Variants in KCNN2 observed in about 807,000 individuals in gnomAD.
KCNN2 encodes the protein small conductance calcium-activated potassium channel protein 2.
In KCNN2, 24 loss-of-function variants were observed where a neutral mutation model predicts 55.5. That is an observed-to-expected ratio of 0.43 (90% CI 0.31 to 0.61). The LOEUF (loss-of-function observed/expected upper bound fraction) is 0.61, where lower values mean the gene tolerates loss of function less well. Ranked by LOEUF, KCNN2 falls within the 20% of genes least tolerant of loss-of-function variation. The pLI, the probability that KCNN2 is intolerant of heterozygous loss-of-function variation, is 0.08. For synonymous variants in KCNN2, 431 were observed against 336.1 expected, an observed-to-expected ratio of 1.28 and a Z score of -3.09; for missense variants, 754 against 853.6, an observed-to-expected ratio of 0.88 and a Z score of 1.45.
intron 5 of KCNN2, among the ~76,000 whole-genome samples, chr5:114,483,723 G>GTGTT (rs71866646): frequency 6.6e-6 from 1 of 151,404 alleles, no homozygotes; most frequent in Non-Finnish European, 1.5e-5. Context: ...CTGTGTGTGT[G>GTGTT]TGTGTGTGTG....
chr5:114,466,580 G>T (rs1761464535), intron 4 of KCNN2, among the ~76,000 whole-genome samples: 1 of 151,896 alleles, frequency 6.6e-6, no homozygotes, highest in Non-Finnish European at 1.5e-5. Context: ...GTGGGTAAGG[G>T]TATCTTTCAT....
intron 4 of KCNN2, among the ~76,000 whole-genome samples, chr5:114,465,378 C>T (rs1477807411): frequency 3.3e-5 from 5 of 152,048 alleles, no homozygotes; most frequent in Admixed American, 2.0e-4. Flanking sequence ...TTTGGGAGGC[C>T]GAGGCAGGTG....
chr5:114,235,076 G>C (rs1434204579), intron 2 of KCNN2, among the ~76,000 whole-genome samples: 1 of 152,278 alleles, frequency 6.6e-6, no homozygotes, highest in South Asian at 2.1e-4. Flanking sequence ...TCCCATATGA[G>C]AGCAAAGGAA....
At position 114,380,569 on chromosome 5, in the gene KCNN2, T is replaced by C. The variant is rs557686419; in HGVS notation, c.1218+16568T>C. Among the ~76,000 whole-genome samples, 129 of 152,348 alleles carry C rather than the reference T, an allele frequency of 8.5e-4. 2 individuals carry two copies. The highest frequency in any genetic ancestry group is 2.9e-3 in the African/African-American group (121 of 41,576). ...GGAAAATGGGGTAATAAGGCCCATC[T>C]CATGAGCTACTGTGAGAATTCTACT... On this transcript the variant is annotated intron_variant, in intron 2 of 7. Coordinates refer to ENST00000673685, the MANE Select transcript of KCNN2 (RefSeq NM_021614.4).
At chr5:114,128,405 A>G (rs1488227224) in intron 1 of KCNN2, among the ~76,000 whole-genome samples, 1 of 152,172 alleles carries the variant, frequency 6.6e-6, no homozygotes, top group African/African-American at 2.4e-5. Context: ...CATGGGAACT[A>G]ACTCACTATC....
chr5:114,325,042 G>T lies in KCNN2; in HGVS notation c.-184-35903G>T, dbSNP rs1422106381. ...TTGTTATTGCAAGCTGAAGGAAAGAGGATTGTTCATATATAGTGTCAGAAA... is the reference window on the plus strand; with the variant it reads ...TTGTTATTGCAAGCTGAAGGAAAGATGATTGTTCATATATAGTGTCAGAAA... On this transcript the variant is annotated intron_variant, in intron 2 of 10. Transcript: ENST00000512097. Among the ~76,000 whole-genome samples the T allele has an allele frequency of 3.3e-5, 5 of 152,144 alleles. No individual in the cohort carries two copies. The East Asian group carries it at 9.6e-4, about 29-fold the overall frequency.
At chr5:114,133,834 G>A (rs762915046) in intron 1 of KCNN2, among the ~76,000 whole-genome samples, 4 of 152,160 alleles carry the variant, frequency 2.6e-5, no homozygotes, top group African/African-American at 4.8e-5. Flanking sequence ...TAAGGAGTCC[G>A]ATGGTATTTT....
intron 1 of KCNN2, among the ~76,000 whole-genome samples, chr5:114,149,292 C>G (rs1052425277): frequency 5.3e-4 from 81 of 152,138 alleles, no homozygotes; most frequent in African/African-American, 1.9e-3. Flanking sequence ...GACTAGTCAT[C>G]ATGAACCCAC....
In KCNN2 at chr5:114,071,842, A is replaced by G. The variant is rs535689286; in HGVS notation, c.-271+15342A>G. Among the ~76,000 whole-genome samples, 23 of 152,328 alleles carry G rather than the reference A, an allele frequency of 1.5e-4. No homozygotes were observed. The South Asian group carries it at 4.8e-3, about 32-fold the overall frequency. ...GTGCTATGGTTTGAATGTGTCCCCC[A>G]AAGTTCACATGTTGCAAACTTAATT... On this transcript the variant is annotated intron_variant, in intron 1 of 10. Transcript: ENST00000512097.
intron 3 of KCNN2, among the ~76,000 whole-genome samples, chr5:114,412,644 T>G (rs1211099494): frequency 6.6e-6 from 1 of 152,216 alleles, no homozygotes; most frequent in Non-Finnish European, 1.5e-5. Flanking sequence ...GCTAGCTCAT[T>G]TTCCTGGTCT....
chr5:114,460,409 A>C (rs982849404), intron 3 of KCNN2, among the ~76,000 whole-genome samples: 1 of 152,004 alleles, frequency 6.6e-6, no homozygotes, highest in East Asian at 1.9e-4. Context: ...TACCTGGCTA[A>C]CTTTTGCATT....
At chr5:114,227,060 C>T (rs902161759) in intron 2 of KCNN2, among the ~76,000 whole-genome samples, 6 of 151,934 alleles carry the variant, frequency 3.9e-5, no homozygotes, top group Non-Finnish European at 8.8e-5. Flanking sequence ...CCACTCAGTC[C>T]AAAAGACTAT....
At chr5:114,223,627 CAA>C (rs1329967437) in intron 2 of KCNN2, among the ~76,000 whole-genome samples, 1 of 152,066 alleles carries the variant, frequency 6.6e-6, no homozygotes, top group African/African-American at 2.4e-5. Flanking sequence ...GAATTTAATA[CAA>C]AGAATTGTCA....
intron 2 of KCNN2, among the ~76,000 whole-genome samples, chr5:114,280,275 C>T (rs1164404531): frequency 6.6e-6 from 1 of 152,124 alleles, no homozygotes; most frequent in Non-Finnish European, 1.5e-5. Flanking sequence ...ATAGTAGTTC[C>T]TTTTGCTGTG....
At chr5:114,293,978 G>A (rs549960171) in intron 2 of KCNN2, among the ~76,000 whole-genome samples, 17 of 152,234 alleles carry the variant, frequency 1.1e-4, no homozygotes, top group South Asian at 6.2e-4. Context: ...GTTTATTTGC[G>A]TAGAGTTGTT....
chr5:114,199,021 T>C (rs115713858), intron 1 of KCNN2, among the ~76,000 whole-genome samples: 1,578 of 152,218 alleles, frequency 0.01, 32 homozygotes, highest in African/African-American at 0.037. Flanking sequence ...GTGCTATGAG[T>C]GGGGTATTAA....
chr5:114,152,832 G>A (rs765354374), intron 1 of KCNN2, among the ~76,000 whole-genome samples: 8 of 152,062 alleles, frequency 5.3e-5, no homozygotes, highest in Non-Finnish European at 1.0e-4. Context: ...TATGGTGGGC[G>A]GGAGCATGGC....
chr5:114,115,609 CTTTG>C (rs1192565676), intron 1 of KCNN2, among the ~76,000 whole-genome samples: 1 of 151,964 alleles, frequency 6.6e-6, no homozygotes, highest in African/African-American at 2.4e-5. Context: ...AGATTTGACA[CTTTG>C]TTTGAATCCT....
chr5:114,487,546 T>C (rs1747634231), intron 6 of KCNN2, among the ~76,000 whole-genome samples: 1 of 152,214 alleles, frequency 6.6e-6, no homozygotes, highest in African/African-American at 2.4e-5. Flanking sequence ...AAGTAGTGCA[T>C]ATAACTGATT....
Sources: gnomAD v4.1 joint callset for allele counts (sites outside exome capture counted in the v4.1 genomes callset) on GRCh38, gnomAD v4.1.1 for gene constraint, MANE v1.5 for transcripts, NCBI Gene and HGNC (gene_info 2026-07-23, HGNC 2026-07-21) for gene names.